Variants in PEPD observed in about 807,000 individuals in gnomAD.
PEPD encodes xaa-Pro dipeptidase.
A neutral mutation model predicts 60.7 loss-of-function variants in PEPD; 53 were observed. The ratio of observed to expected loss-of-function variants is 0.87; its 90% CI spans 0.70 to 1.10. PEPD has a LOEUF of 1.10. PEPD is among the 50% of genes least tolerant of loss of function. The pLI, the probability that PEPD is intolerant of heterozygous loss-of-function variation, is 0.00. For missense variants in PEPD, 711 were observed against 711.9 expected, an observed-to-expected ratio of 1.00 and a Z score of 0.01; for synonymous variants, 267 against 284.1, an observed-to-expected ratio of 0.94 and a Z score of 0.60.
At chr19:33,392,608 C>T (rs1311753653) in intron 12 of PEPD, among the ~76,000 whole-genome samples, 1 of 152,204 alleles carries the variant, frequency 6.6e-6, no homozygotes, top group East Asian at 1.9e-4. Flanking sequence ...CAAGTCCCTG[C>T]GGCACCTCCT....
intron 12 of PEPD, among the ~76,000 whole-genome samples, chr19:33,399,798 C>T (rs188092254): frequency 2.6e-4 from 40 of 152,256 alleles, no homozygotes; most frequent in East Asian, 3.9e-4. Flanking sequence ...ACACTGAGGG[C>T]GCACTTGGCA....
At chr19:33,454,778 T>C (rs1969765929) in intron 9 of PEPD, among the ~76,000 whole-genome samples, 1 of 151,316 alleles carries the variant, frequency 6.6e-6, no homozygotes, top group Admixed American at 6.6e-5. Flanking sequence ...TACAGAAGAG[T>C]GGGTAGGGGA....
intron 9 of PEPD, among the ~76,000 whole-genome samples, chr19:33,417,372 A>T (rs1213143049): frequency 6.6e-6 from 1 of 152,140 alleles, no homozygotes; most frequent in Non-Finnish European, 1.5e-5. Flanking sequence ...GAAAGCAGGT[A>T]GTTGGGACAT....
chr19:33,400,692 T>C (rs544140645), intron 12 of PEPD, among the ~76,000 whole-genome samples: 69 of 152,314 alleles, frequency 4.5e-4, no homozygotes, highest in Middle Eastern at 3.4e-3. Context: ...GCAGGGGTGC[T>C]GTGTTGAAGC....
chr19:33,390,356 CT>C (rs1465713973), intron 13 of PEPD, among the ~76,000 whole-genome samples: 7 of 152,228 alleles, frequency 4.6e-5, no homozygotes, highest in Non-Finnish European at 1.0e-4. Context: ...GAAATTAAAA[CT>C]GATTTTGTTT....
chr19:33,417,512 G>C (rs907859452), intron 9 of PEPD, among the ~76,000 whole-genome samples: 2 of 152,218 alleles, frequency 1.3e-5, no homozygotes, highest in Admixed American at 1.3e-4. Flanking sequence ...TCTTGGCTCT[G>C]CTGCTGGCCA....
chr19:33,497,392 G>C (rs998144317), intron 4 of PEPD, among the ~76,000 whole-genome samples: 6 of 152,390 alleles, frequency 3.9e-5, no homozygotes, highest in Admixed American at 1.3e-4. Flanking sequence ...GCCAGCCTTT[G>C]CACAGGGCCT....
At chr19:33,518,343 C>T (rs1192823097) in intron 1 of PEPD, among the ~76,000 whole-genome samples, 1 of 152,170 alleles carries the variant, frequency 6.6e-6, no homozygotes, top group Non-Finnish European at 1.5e-5. Context: ...GTCCCTAGCC[C>T]CCAGTCGGCC....
rs1387751363 is a variant in PEPD, at chr19:33,520,978, C to T, written c.17+766G>A. ...AGCCCCAGGCATGCACCCCTGTCCC[C>T]AGAACACTCTGAACTCTCAACCTTT... On this transcript the variant is annotated intron_variant, in intron 1 of 14. Transcript: ENST00000244137. Among the ~76,000 whole-genome samples the T allele has an allele frequency of 2.0e-5, 3 of 152,218 alleles. No homozygotes were observed. The East Asian group carries it at 5.8e-4, about 29-fold the overall frequency.
At chr19:33,459,139 T>C (rs1295642606) in intron 9 of PEPD, among the ~76,000 whole-genome samples, 1 of 151,998 alleles carries the variant, frequency 6.6e-6, no homozygotes, top group Non-Finnish European at 1.5e-5. Context: ...CCCAGGCCTG[T>C]GGAGAAGGGT....
chr19:33,483,446 A>C (rs1177474063), intron 6 of PEPD, among the ~76,000 whole-genome samples: 1 of 152,204 alleles, frequency 6.6e-6, no homozygotes, highest in African/African-American at 2.4e-5. Context: ...CTGGAGAACA[A>C]GGTAGCCTAG....
chr19:33,460,894 G>A (rs1391866770), intron 9 of PEPD, among the ~76,000 whole-genome samples: 1 of 152,168 alleles, frequency 6.6e-6, no homozygotes, highest in Non-Finnish European at 1.5e-5. Context: ...GATGGGGGTG[G>A]AGGGAAGGTG....
intron 9 of PEPD, among the ~76,000 whole-genome samples, chr19:33,434,110 G>A (rs145032446): frequency 3.1e-4 from 47 of 152,250 alleles, no homozygotes; most frequent in African/African-American, 1.1e-3. Flanking sequence ...GGGATGGTAC[G>A]TGCCTTTCTG....
chr19:33,445,439 T>C (rs1376095849), intron 9 of PEPD, among the ~76,000 whole-genome samples: 2 of 152,276 alleles, frequency 1.3e-5, no homozygotes, highest in East Asian at 1.9e-4. Flanking sequence ...CTGAGGACAT[T>C]AGGGCAGGCC....
intron 9 of PEPD, among the ~76,000 whole-genome samples, chr19:33,457,442 G>A (rs1969824104): frequency 6.6e-6 from 1 of 152,158 alleles, no homozygotes; most frequent in South Asian, 2.1e-4. Context: ...TGAGCACTGT[G>A]GGCTGGCAGG....
chr19:33,454,373 G>C (rs1234215903), intron 9 of PEPD, among the ~76,000 whole-genome samples: 1 of 152,138 alleles, frequency 6.6e-6, no homozygotes, highest in African/African-American at 2.4e-5. Context: ...AGGCTGAGGT[G>C]GGAGGATCAC....
intron 9 of PEPD, among the ~76,000 whole-genome samples, chr19:33,444,809 C>T (rs919993626): frequency 6.6e-6 from 1 of 152,148 alleles, no homozygotes; most frequent in African/African-American, 2.4e-5. Context: ...ACCCCATCCA[C>T]CATGTCTCTC....
intron 4 of PEPD, among the ~76,000 whole-genome samples, chr19:33,494,686 C>T (rs924776305): frequency 2.0e-4 from 31 of 152,236 alleles, no homozygotes; most frequent in African/African-American, 7.5e-4. Flanking sequence ...TCATCTTACA[C>T]ACAGCATCTC....
At chr19:33,432,908 C>T (rs1023664668) in intron 9 of PEPD, among the ~76,000 whole-genome samples, 3 of 152,250 alleles carry the variant, frequency 2.0e-5, no homozygotes, top group South Asian at 2.1e-4. Flanking sequence ...CACATGCACA[C>T]GCCTTCCAGA....
Sources: gnomAD v4.1 joint callset for allele counts (sites outside exome capture counted in the v4.1 genomes callset) on GRCh38, gnomAD v4.1.1 for gene constraint, MANE v1.5 for transcripts, NCBI Gene and HGNC (gene_info 2026-07-23, HGNC 2026-07-21) for gene names.